Variants in RPS6KC1 observed in about 807,000 individuals in gnomAD.
RPS6KC1 encodes the protein ribosomal protein S6 kinase C1, also known as inactive ribosomal protein S6 kinase delta-1.
RPS6KC1 carries 54 observed loss-of-function variants against 103.8 expected under a neutral mutation model. The ratio of observed to expected loss-of-function variants is 0.52; its 90% CI spans 0.42 to 0.65. RPS6KC1 has a LOEUF of 0.65. Ranked by LOEUF, RPS6KC1 falls within the 30% of genes least tolerant of loss-of-function variation. RPS6KC1 has a pLI of 0.00. For synonymous variants in RPS6KC1, 439 were observed against 438.7 expected (o/e 1.00, Z -0.01); for missense variants, 1,151 against 1,253.8 (o/e 0.92, Z 1.24).
chr1:213,159,346 AAG>A (rs1347913830), intron 6 of RPS6KC1, among the ~76,000 whole-genome samples: 4 of 152,240 alleles, frequency 2.6e-5, no homozygotes, highest in African/African-American at 7.2e-5. Flanking sequence ...TAGCTTGGAA[AAG>A]AGAGCCACTT....
the RPS6KC1 span, among the ~76,000 whole-genome samples, chr1:213,636,024 A>T: frequency 6.6e-6 from 1 of 152,204 alleles, no homozygotes; most frequent in African/African-American, 2.4e-5. Flanking sequence ...CACAATTGCT[A>T]CAAAGAGAAT....
chr1:213,765,480 A>G, the RPS6KC1 span, among the ~76,000 whole-genome samples: 14 of 152,094 alleles, frequency 9.2e-5, no homozygotes, highest in Non-Finnish European at 1.8e-4. Context: ...TAGATTTGAA[A>G]CGGTCTGCTA....
the RPS6KC1 span, among the ~76,000 whole-genome samples, chr1:213,523,413 C>T: frequency 6.6e-6 from 1 of 152,178 alleles, no homozygotes; most frequent in Admixed American, 6.5e-5. Context: ...GAGAAAATGG[C>T]ACCAATAGAG....
chr1:213,711,901 G>T, the RPS6KC1 span, among the ~76,000 whole-genome samples: 1 of 152,166 alleles, frequency 6.6e-6, no homozygotes, highest in Non-Finnish European at 1.5e-5. Flanking sequence ...GTCCCCGAAG[G>T]GCACCCCTCA....
At chr1:213,624,660 A>G in the RPS6KC1 span, among the ~76,000 whole-genome samples, 2 of 152,164 alleles carry the variant, frequency 1.3e-5, no homozygotes, top group South Asian at 4.1e-4. Context: ...CCATAGGCCC[A>G]GCCACCCACT....
the RPS6KC1 span, among the ~76,000 whole-genome samples, chr1:213,366,589 G>A: frequency 2.6e-5 from 4 of 152,242 alleles, no homozygotes; most frequent in African/African-American, 4.8e-5. Context: ...ACACATGAAT[G>A]AATGGGTGTA....
chr1:213,360,118 G>A, the RPS6KC1 span, among the ~76,000 whole-genome samples: 1 of 152,116 alleles, frequency 6.6e-6, no homozygotes, highest in Non-Finnish European at 1.5e-5. Flanking sequence ...TGCTAGGTTG[G>A]GGAAGTTCTC....
intron 3 of RPS6KC1, among the ~76,000 whole-genome samples, chr1:213,097,537 G>A (rs1418549181): frequency 6.6e-6 from 1 of 152,212 alleles, no homozygotes; most frequent in African/African-American, 2.4e-5. Flanking sequence ...TGGTCAGTAA[G>A]CATTGGCTTC....
At chr1:213,116,764 T>C (rs1183933860) in intron 4 of RPS6KC1, among the ~76,000 whole-genome samples, 3 of 151,848 alleles carry the variant, frequency 2.0e-5, no homozygotes, top group African/African-American at 7.3e-5. Flanking sequence ...ACAAAATCTC[T>C]CAGCATTTGC....
chr1:213,444,730 G>C, the RPS6KC1 span, among the ~76,000 whole-genome samples: 5 of 83,512 alleles, frequency 6.0e-5, no homozygotes, highest in African/African-American at 2.2e-4. Context: ...GGCAACAAGA[G>C]TGAAACTCCA....
chr1:213,489,084 G>A, the RPS6KC1 span, among the ~76,000 whole-genome samples: 3 of 152,186 alleles, frequency 2.0e-5, no homozygotes, highest in Admixed American at 6.5e-5. Flanking sequence ...AGCTCTAGTC[G>A]GGGAGCTGGA....
the RPS6KC1 span, among the ~76,000 whole-genome samples, chr1:213,403,765 G>A: frequency 6.6e-6 from 1 of 152,090 alleles, no homozygotes; most frequent in Non-Finnish European, 1.5e-5. Flanking sequence ...CACTTATCTG[G>A]GGGAAAAGGG....
the RPS6KC1 span, among the ~76,000 whole-genome samples, chr1:213,766,740 C>G: frequency 6.6e-6 from 1 of 152,070 alleles, no homozygotes; most frequent in East Asian, 1.9e-4. Flanking sequence ...CCTGATTACT[C>G]CTGTTCCTAC....
chr1:213,674,802 CT>C, the RPS6KC1 span, among the ~76,000 whole-genome samples: 2 of 152,028 alleles, frequency 1.3e-5, no homozygotes, highest in South Asian at 4.2e-4. Context: ...TCTGCTTTAT[CT>C]TTTTTTTAAC....
At chr1:213,472,698 C>G in the RPS6KC1 span, among the ~76,000 whole-genome samples, 2 of 151,912 alleles carry the variant, frequency 1.3e-5, no homozygotes, top group African/African-American at 4.8e-5. Context: ...GGTTTTGGGC[C>G]CCAGGAGATG....
At chr1:213,478,524 AT>A in the RPS6KC1 span, among the ~76,000 whole-genome samples, 1 of 152,138 alleles carries the variant, frequency 6.6e-6, no homozygotes, top group Non-Finnish European at 1.5e-5. Flanking sequence ...CCTCACCAGT[AT>A]TTGGTGCTGT....
At chr1:213,415,988 C>A in the RPS6KC1 span, among the ~76,000 whole-genome samples, 7 of 152,202 alleles carry the variant, frequency 4.6e-5, no homozygotes, top group Non-Finnish European at 1.5e-5. Flanking sequence ...CGGAGAAGCT[C>A]TGGAAAGGAG....
chr1:213,764,495 T>C, the RPS6KC1 span, among the ~76,000 whole-genome samples: 1 of 152,178 alleles, frequency 6.6e-6, no homozygotes. Flanking sequence ...ACAGGTGAGA[T>C]GAAGTTCAGA....
the RPS6KC1 span, among the ~76,000 whole-genome samples, chr1:213,831,221 C>T: frequency 1.3e-5 from 2 of 152,168 alleles, no homozygotes; most frequent in East Asian, 3.8e-4. Flanking sequence ...GAAGGTGTCA[C>T]CTCACATGGA....
Sources: gnomAD v4.1 joint callset for allele counts (sites outside exome capture counted in the v4.1 genomes callset) on GRCh38, gnomAD v4.1.1 for gene constraint, MANE v1.5 for transcripts, NCBI Gene and HGNC (gene_info 2026-07-23, HGNC 2026-07-21) for gene names.